TENM3: variants seen among roughly 807,000 people sequenced by gnomAD.
TENM3 encodes teneurin-3.
A neutral mutation model predicts 255.1 loss-of-function variants in TENM3; 63 were observed. That is an observed-to-expected ratio of 0.25 (90% CI 0.20 to 0.30). TENM3 has a LOEUF of 0.30. TENM3 is among the 10% of genes least tolerant of loss of function. TENM3 has a pLI of 1.00. For synonymous variants in TENM3, 1,306 were observed against 1,322.3 expected (o/e 0.99, Z 0.27); for missense variants, 2,929 against 3,461.1 (o/e 0.85, Z 3.86).
chr4:182,229,352 C>A (rs748200322), intron 1 of TENM3, among the ~76,000 whole-genome samples: 1 of 152,038 alleles, frequency 6.6e-6, no homozygotes. Context: ...ATAAAAACCC[C>A]GTAATAATTG....
the TENM3 span, among the ~76,000 whole-genome samples, chr4:182,060,424 C>A: frequency 6.6e-6 from 1 of 152,028 alleles, no homozygotes; most frequent in Non-Finnish European, 1.5e-5. Flanking sequence ...AGCATGCAAC[C>A]GAGATCCCTT....
chr4:182,493,618 G>C (rs1735499955), intron 3 of TENM3, among the ~76,000 whole-genome samples: 1 of 152,094 alleles, frequency 6.6e-6, no homozygotes, highest in South Asian at 2.1e-4. Flanking sequence ...GTGATGTTGT[G>C]TTGCTCATAA....
intron 3 of TENM3, among the ~76,000 whole-genome samples, chr4:182,386,675 G>A (rs370495178): frequency 7.9e-5 from 12 of 152,366 alleles, no homozygotes; most frequent in African/African-American, 2.9e-4. Flanking sequence ...GGCCGGGGCA[G>A]TGAGGGGCTT....
chr4:182,287,546 T>C (rs139484243), intron 1 of TENM3, among the ~76,000 whole-genome samples: 41 of 152,322 alleles, frequency 2.7e-4, no homozygotes, highest in African/African-American at 8.4e-4. Context: ...GGACAAGTAG[T>C]TGTCCTCTCC....
At chr4:181,488,092 G>T in the TENM3 span, among the ~76,000 whole-genome samples, 15 of 152,236 alleles carry the variant, frequency 9.9e-5, no homozygotes, top group African/African-American at 3.6e-4. Context: ...GGGCTTTGCA[G>T]TCAGGCAGCC....
At chr4:182,017,021 T>C in the TENM3 span, among the ~76,000 whole-genome samples, 2 of 152,224 alleles carry the variant, frequency 1.3e-5, no homozygotes, top group African/African-American at 4.8e-5. Flanking sequence ...CCCTCACTGT[T>C]TGCCTTACAA....
chr4:182,776,547 AGG>A lies in TENM3; in HGVS notation c.5304+1398_5304+1399del, dbSNP rs571771977. Among the ~76,000 whole-genome samples, 10 of 152,304 alleles carry A rather than the reference AGG, an allele frequency of 6.6e-5. No homozygotes were observed. In the South Asian group the frequency reaches 2.1e-3, roughly 32 times the overall value. On this transcript the variant is annotated intron_variant, in intron 24 of 27. Coordinates refer to ENST00000511685, the MANE Select transcript of TENM3 (RefSeq NM_001080477.4). ...TAAAATTTCACTGGAAAGAGGGAGGAGGGGGAAATACTTTGTCCAGAAACTGA... is the reference window on the plus strand; with the variant it reads ...TAAAATTTCACTGGAAAGAGGGAGGAGGGAAATACTTTGTCCAGAAACTGA...
chr4:182,526,270 G>A (rs1397841146), intron 3 of TENM3, among the ~76,000 whole-genome samples: 6 of 151,998 alleles, frequency 3.9e-5, no homozygotes, highest in Non-Finnish European at 7.4e-5. Flanking sequence ...GTGAGCCACC[G>A]CGCCCAGCTA....
the TENM3 span, among the ~76,000 whole-genome samples, chr4:181,546,552 A>G: frequency 1.5e-5 from 2 of 131,252 alleles, no homozygotes; most frequent in African/African-American, 5.3e-5. Flanking sequence ...CGTCTCTACT[A>G]AAAATACAAA....
At chr4:182,249,888 G>T (rs897077813) in intron 1 of TENM3, among the ~76,000 whole-genome samples, 1 of 151,768 alleles carries the variant, frequency 6.6e-6, no homozygotes, top group Non-Finnish European at 1.5e-5. Context: ...CCAGCCTCCC[G>T]AGTAGCTGAG....
At chr4:181,767,613 T>C in the TENM3 span, among the ~76,000 whole-genome samples, 1 of 152,164 alleles carries the variant, frequency 6.6e-6, no homozygotes, top group Non-Finnish European at 1.5e-5. Flanking sequence ...TGTGGATCAC[T>C]GGATCCTATT....
the TENM3 span, among the ~76,000 whole-genome samples, chr4:181,950,016 G>C: frequency 0.39 from 58,875 of 151,722 alleles, 11,746 homozygotes; most frequent in African/African-American, 0.47. Flanking sequence ...CCATCACATC[G>C]CCTGTGACTT....
chr4:181,597,054 T>A, the TENM3 span, among the ~76,000 whole-genome samples: 3 of 152,096 alleles, frequency 2.0e-5, no homozygotes, highest in East Asian at 5.8e-4. Flanking sequence ...TACACATATA[T>A]CCCTGAACTT....
chr4:182,247,018 G>A (rs566146371), intron 1 of TENM3, among the ~76,000 whole-genome samples: 1 of 152,178 alleles, frequency 6.6e-6, no homozygotes, highest in African/African-American at 2.4e-5. Flanking sequence ...AACCAGCCGT[G>A]TGGGCAGCTG....
At chr4:182,106,747 A>G in the TENM3 span, among the ~76,000 whole-genome samples, 6 of 152,326 alleles carry the variant, frequency 3.9e-5, no homozygotes, top group African/African-American at 1.4e-4. Context: ...AATAAGTGCT[A>G]TGTAAGAGAT....
At chr4:182,029,173 A>G in the TENM3 span, among the ~76,000 whole-genome samples, 1 of 152,070 alleles carries the variant, frequency 6.6e-6, no homozygotes, top group Non-Finnish European at 1.5e-5. Flanking sequence ...TGCACATCAC[A>G]TGGCAAAAGC....
chr4:182,617,572 GA>G (rs1460295177), intron 4 of TENM3, among the ~76,000 whole-genome samples: 16 of 152,282 alleles, frequency 1.1e-4, no homozygotes, highest in East Asian at 3.9e-4. Context: ...GAAGGAAGAA[GA>G]ACCTATACCT....
the TENM3 span, among the ~76,000 whole-genome samples, chr4:182,048,290 C>T: frequency 6.6e-6 from 1 of 152,120 alleles, no homozygotes; most frequent in Non-Finnish European, 1.5e-5. Context: ...GTAAGCATTA[C>T]AAGTATAGGT....
the TENM3 span, among the ~76,000 whole-genome samples, chr4:181,838,952 T>A: frequency 5.9e-5 from 9 of 151,942 alleles, no homozygotes; most frequent in South Asian, 1.9e-3. Context: ...GCATGTTTTA[T>A]TTATTAATTC....
Sources: allele counts gnomAD v4.1 joint callset (sites outside exome capture counted in the v4.1 genomes callset), GRCh38; gene constraint gnomAD v4.1.1; transcripts MANE v1.5; gene names NCBI Gene and HGNC (gene_info 2026-07-23, HGNC 2026-07-21).